The following DLGAP2 variants were observed in gnomAD, a reference collection of about 807,000 sequenced individuals.
The protein encoded by DLGAP2 is DLG associated protein 2.
Under a neutral mutation model 100.3 loss-of-function variants are expected in DLGAP2, and 26 were observed. The observed-to-expected ratio is 0.26, with a 90% confidence interval of 0.19 to 0.36. The LOEUF is 0.36. Ranked by LOEUF, DLGAP2 falls within the 10% of genes least tolerant of loss-of-function variation. The pLI is 1.00. For synonymous variants in DLGAP2, 886 were observed against 630.1 expected (o/e 1.41, Z -6.08); for missense variants, 1,858 against 1,453.2 (o/e 1.28, Z -4.53).
At chr8:830,357 T>C (rs902538184) in intron 1 of DLGAP2, among the ~76,000 whole-genome samples, 2 of 152,212 alleles carry the variant, frequency 1.3e-5, no homozygotes, top group East Asian at 3.8e-4. Flanking sequence ...ATTATTAAAC[T>C]ATAGTCACTC....
chr8:1,454,332 T>C (rs770557075), intron 3 of DLGAP2, among the ~76,000 whole-genome samples: 5 of 151,866 alleles, frequency 3.3e-5, no homozygotes, highest in Non-Finnish European at 7.4e-5. Flanking sequence ...CTGAACACAG[T>C]GAGGTTTTTC....
intron 2 of DLGAP2, among the ~76,000 whole-genome samples, chr8:1,240,462 T>C (rs1798762849): frequency 6.6e-6 from 1 of 151,290 alleles, no homozygotes; most frequent in Admixed American, 6.6e-5. Context: ...TGTCTAGTTC[T>C]CTCACATGGC....
intron 1 of DLGAP2, among the ~76,000 whole-genome samples, chr8:832,340 G>A (rs552094744): frequency 6.6e-6 from 1 of 152,260 alleles, no homozygotes; most frequent in African/African-American, 2.4e-5. Flanking sequence ...GGTTTTTATG[G>A]TTTTAGGTCT....
chr8:1,111,718 C>G (rs570709228), intron 2 of DLGAP2, among the ~76,000 whole-genome samples: 22 of 152,160 alleles, frequency 1.4e-4, no homozygotes, highest in Non-Finnish European at 2.8e-4. Context: ...CATCCATGTT[C>G]CTGCAGAGGT....
chr8:1,231,007 T>C (rs1269328810), intron 2 of DLGAP2, among the ~76,000 whole-genome samples: 2 of 152,162 alleles, frequency 1.3e-5, no homozygotes, highest in Admixed American at 1.3e-4. Context: ...AATTGACAAG[T>C]GGGACCTAAT....
At chr8:775,693 A>C (rs1821496834) in intron 1 of DLGAP2, among the ~76,000 whole-genome samples, 42 of 76,670 alleles carry the variant, frequency 5.5e-4, no homozygotes, top group Non-Finnish European at 6.4e-4. Context: ...CATCCCAGGG[A>C]TGAAGCCCAC....
At chr8:1,228,223 A>G (rs1236049502) in intron 2 of DLGAP2, among the ~76,000 whole-genome samples, 1 of 152,194 alleles carries the variant, frequency 6.6e-6, no homozygotes, top group East Asian at 1.9e-4. Flanking sequence ...AACTTAAAGT[A>G]TAATAAAATA....
At chr8:974,427 A>G (rs1404026987) in intron 2 of DLGAP2, among the ~76,000 whole-genome samples, 1 of 152,256 alleles carries the variant, frequency 6.6e-6, no homozygotes, top group African/African-American at 2.4e-5. Flanking sequence ...AGATGACTTC[A>G]TCCAAAACAG....
intron 2 of DLGAP2, among the ~76,000 whole-genome samples, chr8:1,098,101 C>T (rs909380522): frequency 2.0e-5 from 3 of 152,284 alleles, no homozygotes. Flanking sequence ...CGCAATTCTG[C>T]TCTCAGCAAA....
chr8:1,113,629 C>G (rs1039890374), intron 2 of DLGAP2, among the ~76,000 whole-genome samples: 1 of 152,140 alleles, frequency 6.6e-6, no homozygotes, highest in Non-Finnish European at 1.5e-5. Context: ...GATATAGAAT[C>G]TTGTCATCTA....
At chr8:1,538,581 G>C (rs1349299259) in intron 4 of DLGAP2, among the ~76,000 whole-genome samples, 1 of 152,206 alleles carries the variant, frequency 6.6e-6, no homozygotes, top group Non-Finnish European at 1.5e-5. Flanking sequence ...GTACAGAACA[G>C]ATAGGGAGGG....
chr8:1,363,324 G>T (rs531742149), intron 3 of DLGAP2, among the ~76,000 whole-genome samples: 1 of 152,074 alleles, frequency 6.6e-6, no homozygotes, highest in East Asian at 1.9e-4. Flanking sequence ...CCACGCCCGT[G>T]GCATGCTTGC....
intron 2 of DLGAP2, among the ~76,000 whole-genome samples, chr8:968,273 G>A (rs1225969468): frequency 1.3e-5 from 2 of 152,106 alleles, no homozygotes; most frequent in African/African-American, 2.4e-5. Context: ...CAACCCCCCA[G>A]CTGGTGCTTT....
At position 765,081 on chromosome 8, in the gene DLGAP2, G is replaced by A. The variant is rs548441946; in HGVS notation, c.18+27256G>A. ...TATTTAGTAAAATTGGAGTATTGCA[G>A]AAAGGGACTTGAGGAAATGGGGCAG... On this transcript the variant is annotated intron_variant, in intron 1 of 14. Transcript: ENST00000637795. 1.2e-4 allele frequency among the ~76,000 whole-genome samples: 18 copies of A among 152,330 alleles called. No individual in the cohort carries two copies. The South Asian group carries it at 3.5e-3, about 30-fold the overall frequency.
chr8:1,497,001 G>A (rs1799569627), intron 3 of DLGAP2, among the ~76,000 whole-genome samples: 1 of 151,508 alleles, frequency 6.6e-6, no homozygotes, highest in Non-Finnish European at 1.5e-5. Context: ...ATGGTTTACG[G>A]GGTCTCCAGG....
At chr8:1,338,296 C>A (rs2117075683) in intron 3 of DLGAP2, among the ~76,000 whole-genome samples, 1 of 152,352 alleles carries the variant, frequency 6.6e-6, no homozygotes. Flanking sequence ...ATTAGCCCAT[C>A]TGCTGGCCAA....
chr8:1,516,045 GTGAA>G (rs1800363203), intron 4 of DLGAP2, among the ~76,000 whole-genome samples: 1 of 144,208 alleles, frequency 6.9e-6, no homozygotes, highest in East Asian at 1.9e-4. Flanking sequence ...GAGTAACTGA[GTGAA>G]TGAGTGAGTG....
At chr8:1,085,964 T>G (rs532191017) in intron 2 of DLGAP2, among the ~76,000 whole-genome samples, 2 of 152,210 alleles carry the variant, frequency 1.3e-5, no homozygotes, top group Admixed American at 1.3e-4. Flanking sequence ...TTTTTAGTTA[T>G]GGTTCTTTTA....
rs74347305 is a variant in DLGAP2 at position 1,422,069 on chromosome 8, G to A, written c.107-79297G>A. Among the ~76,000 whole-genome samples the A allele has an allele frequency of 9.6e-3, 1,463 of 152,312 alleles. 23 individuals carry two copies. Among genetic ancestry groups the A allele is most frequent in the African/African-American group, 0.034 (1,398 of 41,574 alleles). On this transcript the variant is annotated intron_variant, in intron 3 of 14. Transcript: ENST00000637795. ...ATCTAACACACGCTAGGCACCGAGG[G>A]CGAGGCTGCGTTTGTTACTCCATGG...
Sources: allele counts gnomAD v4.1 joint callset (sites outside exome capture counted in the v4.1 genomes callset), GRCh38; gene constraint gnomAD v4.1.1; transcripts MANE v1.5; gene names NCBI Gene and HGNC (gene_info 2026-07-23, HGNC 2026-07-21).